Variants in POLR2F observed in about 807,000 individuals in gnomAD.
The protein encoded by POLR2F is DNA-directed RNA polymerases I, II, and III subunit RPABC2.
In POLR2F, 12 loss-of-function variants were observed where a neutral mutation model predicts 22.7. The observed-to-expected ratio is 0.53, with a 90% CI of 0.34 to 0.86. POLR2F has a LOEUF of 0.86. Ranked by LOEUF, POLR2F falls within the 40% of genes least tolerant of loss-of-function variation. The pLI is 0.02. For synonymous variants in POLR2F, 57 were observed against 66.0 expected (o/e 0.86, Z 0.66); for missense variants, 126 against 171.5 (o/e 0.73, Z 1.48).
chr22:38,040,950 A>G, intron 5 of POLR2F: 1 of 1,531,624 alleles, frequency 6.5e-7, no homozygotes, highest in East Asian at 2.3e-5. Context: ...AGGAGAGAGA[A>G]TAATGATGAC....
At chr22:37,975,895 A>G (rs1302606692) in intron 4 of POLR2F, among the ~76,000 whole-genome samples, 1 of 152,032 alleles carries the variant, frequency 6.6e-6, no homozygotes, top group Non-Finnish European at 1.5e-5. Context: ...TGGATCTCAC[A>G]CAGACTTCTT....
At chr22:38,025,184 C>T (rs1354346619) in intron 1 of POLR2F, among the ~76,000 whole-genome samples, 1 of 152,126 alleles carries the variant, frequency 6.6e-6, no homozygotes, top group African/African-American at 2.4e-5. Context: ...CAGTCTCCCT[C>T]CCAAGAGATG....
At chr22:38,023,922 A>G (rs375665027) in intron 1 of POLR2F, among the ~76,000 whole-genome samples, 30 of 149,294 alleles carry the variant, frequency 2.0e-4, no homozygotes, top group African/African-American at 7.4e-4. Flanking sequence ...GCTCACTGCA[A>G]CCTCCTCCTC....
chr22:37,967,614 C>T lies in POLR2F; in HGVS notation c.294-11C>T. ...AGCCCTCATGTACTTGTGACTTCTC[C>T]CCTGCCACAGGGCCCGAAAGATCCC... is the stretch of plus-strand genomic sequence containing the variant. On this transcript the variant is annotated splice_polypyrimidine_tract_variant and intron_variant, in intron 4 of 4. Coordinates refer to ENST00000442738, the MANE Select transcript of POLR2F (RefSeq NM_021974.5). The T allele has an allele frequency of 6.2e-7, 1 of 1,613,572 alleles. No homozygotes were observed. Among genetic ancestry groups the T allele is most frequent in the Non-Finnish European group, 8.5e-7 (1 of 1,179,736 alleles).
intron 1 of POLR2F, among the ~76,000 whole-genome samples, chr22:37,994,450 C>A (rs373312749): frequency 2.0e-5 from 3 of 152,288 alleles, no homozygotes; most frequent in African/African-American, 7.2e-5. Context: ...CGGGCTTAAT[C>A]GATCCCCCAC....
chr22:37,957,133 T>G (rs1482932777), intron 2 of POLR2F, among the ~76,000 whole-genome samples: 6 of 152,212 alleles, frequency 3.9e-5, no homozygotes, highest in Non-Finnish European at 8.8e-5. Flanking sequence ...GAATGTTTAT[T>G]ATATGCCAGG....
chr22:37,993,617 G>A (rs1932759394), intron 1 of POLR2F, among the ~76,000 whole-genome samples: 1 of 152,200 alleles, frequency 6.6e-6, no homozygotes, highest in South Asian at 2.1e-4. Context: ...TTACCAGTGA[G>A]ACTGGGATAA....
intron 5 of POLR2F, chr22:38,032,318 T>C (rs1171825344): frequency 6.6e-6 from 1 of 152,274 alleles, no homozygotes; most frequent in African/African-American, 2.4e-5. Flanking sequence ...TTATCCATTT[T>C]CTAACTGGCC....
chr22:38,016,510 A>G lies in POLR2F; in HGVS notation c.121-9359A>G, dbSNP rs371900350. Among the ~76,000 whole-genome samples the G allele has an allele frequency of 2.0e-5, 3 of 152,344 alleles. No individual in the cohort carries two copies. The highest frequency in any genetic ancestry group is 3.9e-4 in the East Asian group (2 of 5,184). Reference sequence around the variant, plus strand: ...GCCATGATGCCCTCTGACCTTTCATAAATCAGAGGGGCTTAGGGGCGAGGG... The same window carrying G: ...GCCATGATGCCCTCTGACCTTTCATGAATCAGAGGGGCTTAGGGGCGAGGG... On this transcript the variant is annotated intron_variant, in intron 1 of 2. Coordinates refer to the POLR2F transcript ENST00000333418. The surrounding 1 kb of genome is among the most constrained non-coding windows in gnomAD (Gnocchi z 4.4).
Position 37,953,736 on chromosome 22 carries a change from C to A in POLR2F, c.-52C>A. The stretch of plus-strand genomic sequence containing the variant: ...GCGCGAGTCGTAGTGTCGCTGTTTG[C>A]GGGTCTCCGCGCGGGACCGGGGCGC... On this transcript the variant is annotated 5_prime_UTR_variant, in exon 1 of 5. Coordinates refer to ENST00000442738, the MANE Select transcript of POLR2F (RefSeq NM_021974.5). 6.3e-7 allele frequency: 1 copy of A among 1,589,648 alleles called. No individual in the cohort carries two copies. The highest frequency in any genetic ancestry group is 8.5e-7 in the Non-Finnish European group (1 of 1,171,892).
At chr22:37,965,316 G>T (rs1428575058) in intron 3 of POLR2F, among the ~76,000 whole-genome samples, 1 of 152,222 alleles carries the variant, frequency 6.6e-6, no homozygotes, top group African/African-American at 2.4e-5. Flanking sequence ...CAGAACAACT[G>T]TTTGTTGGGT....
intron 4 of POLR2F, among the ~76,000 whole-genome samples, chr22:37,977,539 C>T (rs1004891901): frequency 6.6e-6 from 1 of 152,052 alleles, no homozygotes; most frequent in Non-Finnish European, 1.5e-5. Flanking sequence ...CCAGGATGGT[C>T]TCGATCTCCT....
At chr22:38,002,435 A>AT (rs2084779875) in intron 1 of POLR2F, among the ~76,000 whole-genome samples, 1 of 152,014 alleles carries the variant, frequency 6.6e-6, no homozygotes, top group Non-Finnish European at 1.5e-5. Flanking sequence ...AGTCTTATAA[A>AT]GTGTCCAGGG....
intron 1 of POLR2F, among the ~76,000 whole-genome samples, chr22:37,994,090 G>A (rs927336405): frequency 2.0e-5 from 3 of 152,162 alleles, no homozygotes; most frequent in East Asian, 1.9e-4. Flanking sequence ...TTAATGCCCC[G>A]CATTTTCCAG....
At chr22:38,039,705 T>G (rs1483397263) in intron 5 of POLR2F, among the ~76,000 whole-genome samples, 1 of 152,154 alleles carries the variant, frequency 6.6e-6, no homozygotes, top group Non-Finnish European at 1.5e-5. Context: ...CGAAGAACCT[T>G]GGCATTCCAG....
At chr22:38,036,685 A>C (rs376009837) in intron 5 of POLR2F, among the ~76,000 whole-genome samples, 10 of 151,996 alleles carry the variant, frequency 6.6e-5, no homozygotes, top group African/African-American at 2.2e-4. Flanking sequence ...CTTGACCTCC[A>C]GAGAGTCCTG....
At chr22:37,996,130 C>G (rs1049694859) in intron 1 of POLR2F, among the ~76,000 whole-genome samples, 1 of 152,170 alleles carries the variant, frequency 6.6e-6, no homozygotes, top group African/African-American at 2.4e-5. Context: ...CCTGGGGGAC[C>G]AGGCTGGGTT....
chr22:38,037,730 CT>C (rs2085130756), intron 5 of POLR2F, among the ~76,000 whole-genome samples: 1 of 152,096 alleles, frequency 6.6e-6, no homozygotes, highest in African/African-American at 2.4e-5. Context: ...GTAGCTGGGA[CT>C]ACAGGCACGT....
At chr22:37,971,099 G>A, downstream of POLR2F, 1 of 384,984 alleles carries the variant, frequency 2.6e-6, no homozygotes, top group South Asian at 2.0e-5. Context: ...GACCGCAGAT[G>A]GAAGGAAGGG....
Sources: allele counts gnomAD v4.1 joint callset (sites outside exome capture counted in the v4.1 genomes callset), GRCh38; gene constraint gnomAD v4.1.1; non-coding constraint Gnocchi (gnomAD v3.1); transcripts MANE v1.5; gene names NCBI Gene and HGNC (gene_info 2026-07-23, HGNC 2026-07-21).